The following MYO16 variants were observed in gnomAD, a reference collection of about 807,000 sequenced individuals.
MYO16 encodes myosin XVI, also known as unconventional myosin-XVI.
MYO16 carries 94 observed loss-of-function variants against 205.3 expected under a neutral mutation model. That is an observed-to-expected ratio of 0.46 (90% CI 0.39 to 0.54). The LOEUF is 0.54. MYO16 is among the 20% of genes least tolerant of loss of function. MYO16 has a pLI of 0.00. For missense variants in MYO16, 2,315 were observed against 2,387.5 expected, an observed-to-expected ratio of 0.97 and a Z score of 0.63; for synonymous variants, 988 against 954.0, an observed-to-expected ratio of 1.04 and a Z score of -0.66.
chr13:108,984,889 A>T (rs1365143802), intron 20 of MYO16, among the ~76,000 whole-genome samples: 2 of 152,196 alleles, frequency 1.3e-5, no homozygotes, highest in African/African-American at 4.8e-5. Flanking sequence ...CTTGATTCCG[A>T]GTCCTGAATC....
At position 108,957,886 on chromosome 13, in the gene MYO16, C is replaced by G. The variant is rs1883437138; in HGVS notation, c.2037+87C>G. The G allele has an allele frequency of 2.9e-6, 3 of 1,041,928 alleles. No homozygotes were observed. In the Admixed American group the frequency reaches 6.1e-5, roughly 21 times the overall value. The allele number at this position is 1,041,928 out of a possible 1,614,324, so 64.5% of individuals were successfully genotyped here. A position where few individuals can be genotyped will look rare whatever the true frequency, so the allele number is the denominator to read the frequency against. On this transcript the variant is annotated intron_variant, in intron 17 of 34. Coordinates refer to ENST00000457511, the MANE Select transcript of MYO16 (RefSeq NM_001198950.3). Reference sequence around the variant, plus strand: ...TTCATTCAAAAGCATTTACTGAGCCCCTATGACATTCCAGATGTTGCCGAG... The same window carrying G: ...TTCATTCAAAAGCATTTACTGAGCCGCTATGACATTCCAGATGTTGCCGAG...
intron 15 of MYO16, among the ~76,000 whole-genome samples, chr13:108,899,501 G>C (rs1019090606): frequency 1.3e-5 from 2 of 152,122 alleles, no homozygotes; most frequent in African/African-American, 4.8e-5. Flanking sequence ...TTATACAAAA[G>C]GAAAGCTATT....
intron 2 of MYO16, among the ~76,000 whole-genome samples, chr13:108,668,876 A>G (rs1413815079): frequency 6.6e-6 from 1 of 152,016 alleles, no homozygotes; most frequent in African/African-American, 2.4e-5. Context: ...TGAAATCGGG[A>G]CAGCCAAAAT....
At chr13:108,932,720 C>T (rs545161910) in intron 16 of MYO16, among the ~76,000 whole-genome samples, 1 of 151,288 alleles carries the variant, frequency 6.6e-6, no homozygotes, top group African/African-American at 2.5e-5. Flanking sequence ...CATGGTATAC[C>T]TTCCCACTGA....
At chr13:108,632,869 G>A (rs1212987167) in intron 1 of MYO16, among the ~76,000 whole-genome samples, 1 of 152,156 alleles carries the variant, frequency 6.6e-6, no homozygotes, top group East Asian at 1.9e-4. Context: ...ACTCAAGGGA[G>A]TCATGGGCTC....
intron 16 of MYO16, among the ~76,000 whole-genome samples, chr13:108,927,473 G>A (rs1882062764): frequency 6.6e-6 from 1 of 152,144 alleles, no homozygotes; most frequent in Non-Finnish European, 1.5e-5. Flanking sequence ...GAGGACCCCT[G>A]CTGCAGGCCA....
chr13:109,086,361 T>C (rs1308284453), intron 27 of MYO16, among the ~76,000 whole-genome samples: 2 of 152,208 alleles, frequency 1.3e-5, no homozygotes, highest in African/African-American at 2.4e-5. Flanking sequence ...TGGGTAGTTA[T>C]CAAAAGAGGT....
intron 9 of MYO16, among the ~76,000 whole-genome samples, chr13:108,827,982 T>C (rs1156669280): frequency 1.3e-5 from 2 of 151,606 alleles, no homozygotes; most frequent in Non-Finnish European, 2.9e-5. Flanking sequence ...AGTTCATTGA[T>C]GAAAGGGTTT....
chr13:108,955,247 C>A (rs1415392464), intron 16 of MYO16, among the ~76,000 whole-genome samples: 1 of 152,166 alleles, frequency 6.6e-6, no homozygotes, highest in Admixed American at 6.5e-5. Flanking sequence ...ACTCCACACC[C>A]TCTCCTTACC....
At chr13:108,952,121 A>ATAAATAAC (rs1883177418) in intron 16 of MYO16, among the ~76,000 whole-genome samples, 1 of 118,622 alleles carries the variant, frequency 8.4e-6, no homozygotes, top group Non-Finnish European at 1.8e-5. Context: ...CAATAAATAA[A>ATAAATAAC]TAAATAAATA....
the MYO16 span, among the ~76,000 whole-genome samples, chr13:108,572,247 C>A: frequency 6.6e-6 from 1 of 152,078 alleles, no homozygotes; most frequent in Admixed American, 6.5e-5. Context: ...ATTTTACTAC[C>A]TTTTTTCTTA....
At chr13:108,974,738 T>G (rs973839530) in intron 20 of MYO16, among the ~76,000 whole-genome samples, 4 of 152,198 alleles carry the variant, frequency 2.6e-5, no homozygotes, top group African/African-American at 9.6e-5. Flanking sequence ...AAAATGACAC[T>G]AAGCATGTTA....
At chr13:108,729,385 A>G (rs981015447) in intron 4 of MYO16, among the ~76,000 whole-genome samples, 2 of 152,204 alleles carry the variant, frequency 1.3e-5, no homozygotes, top group African/African-American at 4.8e-5. Flanking sequence ...TTAAGGAGGA[A>G]CTACGTTCAT....
At chr13:108,632,787 C>A (rs1566516723) in intron 1 of MYO16, among the ~76,000 whole-genome samples, 3 of 152,142 alleles carry the variant, frequency 2.0e-5, no homozygotes, top group Admixed American at 2.0e-4. Flanking sequence ...CTCAGAGCCC[C>A]ATGCCTGTTG....
intron 22 of MYO16, among the ~76,000 whole-genome samples, chr13:109,018,296 C>T (rs1885897343): frequency 6.6e-6 from 1 of 152,196 alleles, no homozygotes; most frequent in Non-Finnish European, 1.5e-5. Context: ...TCACCAGCAG[C>T]AGCTGCAGAA....
At chr13:109,135,993 A>G (rs934530645) in intron 31 of MYO16, among the ~76,000 whole-genome samples, 2 of 152,028 alleles carry the variant, frequency 1.3e-5, no homozygotes, top group African/African-American at 4.8e-5. Flanking sequence ...TCTTTAGATC[A>G]TGTTTTTCTG....
intron 4 of MYO16, among the ~76,000 whole-genome samples, chr13:108,755,061 G>A (rs1167105687): frequency 6.6e-6 from 1 of 152,108 alleles, no homozygotes; most frequent in East Asian, 1.9e-4. Context: ...ATTCAGGAGA[G>A]AGGGGACCCA....
chr13:108,831,025 G>T lies in MYO16; in HGVS notation c.1097+7747G>T, dbSNP rs182821507. 3.9e-4 allele frequency among the ~76,000 whole-genome samples: 60 copies of T among 152,140 alleles called. 1 individual carries two copies. Among genetic ancestry groups the T allele is most frequent in the Admixed American group, 3.8e-3 (58 of 15,280 alleles). On this transcript the variant is annotated intron_variant, in intron 9 of 34. Transcript: ENST00000457511. The stretch of plus-strand genomic sequence containing the variant: ...GCTGGACCCATTTCTCATGAACAGT[G>T]CCTTCACAGTGTCCTCACATGGTGG...
rs1594144779 is a variant in MYO16, at chr13:109,162,131, C to G, written c.5165-2770C>G. On this transcript the variant is annotated intron_variant, in intron 32 of 34. Transcript: ENST00000457511. The surrounding 1 kb of genome is among the most constrained non-coding windows in gnomAD (Gnocchi z 4.6). ...AAAACATGTCTTGGCTATAGTTTAA[C>G]CTGCCAATTGAAAAATAGAAATACG... 6.6e-6 allele frequency among the ~76,000 whole-genome samples: 1 copy of G among 152,170 alleles called. No homozygotes were observed. Among genetic ancestry groups the G allele is most frequent in the East Asian group, 1.9e-4 (1 of 5,192 alleles).
Sources: allele counts gnomAD v4.1 joint callset (sites outside exome capture counted in the v4.1 genomes callset), GRCh38; gene constraint gnomAD v4.1.1; non-coding constraint Gnocchi (gnomAD v3.1); transcripts MANE v1.5; gene names NCBI Gene and HGNC (gene_info 2026-07-23, HGNC 2026-07-21).